Variants in MAP2 observed in about 807,000 individuals in gnomAD.
The protein encoded by MAP2 is microtubule associated protein 2, also known as microtubule-associated protein 2.
MAP2 carries 14 observed loss-of-function variants against 137.6 expected under a neutral mutation model. The observed-to-expected ratio is 0.10, with a 90% CI of 0.07 to 0.16. The LOEUF is 0.16. Ranked by LOEUF, MAP2 falls within the 10% of genes least tolerant of loss-of-function variation. MAP2 has a pLI of 1.00. For synonymous variants in MAP2, 786 were observed against 782.3 expected (o/e 1.00, Z -0.08); for missense variants, 2,088 against 2,191.5 (o/e 0.95, Z 0.94).
chr2:209,723,634 C>A, intron 13 of MAP2: 1 of 1,613,980 alleles, frequency 6.2e-7, no homozygotes, highest in South Asian at 1.1e-5. Context: ...TAGCAAAGTT[C>A]AGTCCAGATG....
chr2:209,461,695 C>T (rs1702858190), intron 1 of MAP2, among the ~76,000 whole-genome samples: 1 of 152,070 alleles, frequency 6.6e-6, no homozygotes, highest in Non-Finnish European at 1.5e-5. Context: ...GGTGATCCGC[C>T]CCCTGGGCCT....
chr2:209,702,867 T>C (rs985034856), intron 11 of MAP2, among the ~76,000 whole-genome samples: 2 of 152,086 alleles, frequency 1.3e-5, no homozygotes, highest in African/African-American at 4.8e-5. Flanking sequence ...AGGTTAAAAC[T>C]TGAGATAAAA....
intron 7 of MAP2, among the ~76,000 whole-genome samples, chr2:209,682,927 T>G (rs773807162): frequency 3.3e-5 from 5 of 152,146 alleles, no homozygotes; most frequent in Non-Finnish European, 7.3e-5. Context: ...AAGCTCCTAC[T>G]TAAAGCTTTT....
At chr2:209,536,389 C>G (rs891122938) in intron 2 of MAP2, among the ~76,000 whole-genome samples, 1 of 152,154 alleles carries the variant, frequency 6.6e-6, no homozygotes, top group African/African-American at 2.4e-5. Context: ...AAATTTTGCT[C>G]AGAAATGTAT....
chr2:209,714,901 T>G (rs2066930831), intron 13 of MAP2, among the ~76,000 whole-genome samples: 1 of 152,304 alleles, frequency 6.6e-6, no homozygotes, highest in Non-Finnish European at 1.5e-5. Context: ...TATACCTTAG[T>G]CTTCTTTGTT....
At chr2:209,452,963 G>T (rs1038811422) in intron 1 of MAP2, among the ~76,000 whole-genome samples, 1 of 151,936 alleles carries the variant, frequency 6.6e-6, no homozygotes, top group Non-Finnish European at 1.5e-5. Context: ...CATTGTAAAA[G>T]AAATTGGAAA....
intron 3 of MAP2, among the ~76,000 whole-genome samples, chr2:209,613,100 C>G (rs2087571550): frequency 6.6e-6 from 1 of 152,084 alleles, no homozygotes; most frequent in Non-Finnish European, 1.5e-5. Flanking sequence ...TCCAGACAAT[C>G]AGTGAGAGTA....
Position 209,694,106 on chromosome 2 carries a change from T to C in MAP2, c.1936T>C (p.Ser646Pro). Residue 646 changes from serine to proline, a missense_variant, in exon 8 of 16, where the codon TCA (serine) becomes CCA (proline). Around this residue, in one of 6 missense-constraint regions of MAP2, gnomAD observed 859 missense variants for 794.5 expected, o/e 1.08. Coordinates refer to ENST00000682079, the MANE Select transcript of MAP2 (RefSeq NM_001375505.1). ...CAGCACTCTCGCACAGAGTTATCCA[T>C]CAGATTTACCTGAAGAACCCAGTTC... is the stretch of plus-strand genomic sequence containing the variant. ...GYSTLAQSYP[S>P]DLPEEPSSPQ... is the part of the protein sequence containing the mutation. The C allele has an allele frequency of 4.3e-6, 7 of 1,613,894 alleles. No homozygotes were observed. Among genetic ancestry groups the C allele is most frequent in the Non-Finnish European group, 5.9e-6 (7 of 1,179,978 alleles).
chr2:209,635,832 G>A (rs2093508820), intron 4 of MAP2, among the ~76,000 whole-genome samples: 1 of 152,086 alleles, frequency 6.6e-6, no homozygotes, highest in Non-Finnish European at 1.5e-5. Flanking sequence ...CCATTTAATA[G>A]AATTCTCATG....
intron 2 of MAP2, among the ~76,000 whole-genome samples, chr2:209,575,421 T>C (rs2075183743): frequency 7.0e-6 from 1 of 142,782 alleles, no homozygotes; most frequent in Admixed American, 7.6e-5. Context: ...CTCGGGAGGC[T>C]GAGGCAGGAG....
Position 209,693,090 on chromosome 2 carries a change from A to G in MAP2, c.920A>G (p.Lys307Arg). 1 of 1,613,434 alleles carries G rather than the reference A, an allele frequency of 6.2e-7. No individual in the cohort carries two copies. Among genetic ancestry groups the G allele is most frequent in the Non-Finnish European group, 8.5e-7 (1 of 1,179,798 alleles). Reference protein sequence around the residue: ...VFDDIPKWEGKQFDSPMPSPF... With the variant: ...VFDDIPKWEGRQFDSPMPSPF... ...GATGATATCCCAAAATGGGAAGGGA[A>G]ACAGTTTGATTCTCCCATGCCAAGT... is the stretch of plus-strand genomic sequence containing the variant. The change falls in exon 8 of 16, where the codon AAA (lysine) becomes AGA (arginine). Residue 307 changes from lysine to arginine, a missense_variant. This residue lies in a region of MAP2 where 859 missense variants were observed against 794.5 expected (regional missense o/e 1.08). Coordinates refer to ENST00000682079, the MANE Select transcript of MAP2 (RefSeq NM_001375505.1).
chr2:209,708,635 T>C (rs966142966), intron 12 of MAP2, among the ~76,000 whole-genome samples: 5 of 152,212 alleles, frequency 3.3e-5, no homozygotes, highest in Non-Finnish European at 7.4e-5. Context: ...ACCTCTGAGA[T>C]TCCTTTCACT....
intron 2 of MAP2, among the ~76,000 whole-genome samples, chr2:209,554,939 T>C (rs1207411087): frequency 6.8e-6 from 1 of 147,290 alleles, no homozygotes; most frequent in African/African-American, 2.5e-5. Flanking sequence ...CTATCATATA[T>C]AAATATATAT....
At chr2:209,509,600 A>G (rs1001676104) in intron 2 of MAP2, among the ~76,000 whole-genome samples, 2 of 152,006 alleles carry the variant, frequency 1.3e-5, no homozygotes, top group Admixed American at 1.3e-4. Flanking sequence ...TCTTAAAACT[A>G]TATTAACTCA....
chr2:209,445,904 CAT>C (rs909913715), intron 1 of MAP2, among the ~76,000 whole-genome samples: 8 of 151,620 alleles, frequency 5.3e-5, no homozygotes, highest in East Asian at 1.9e-4. Context: ...CAAAAAGCCA[CAT>C]GTTTTTTGAC....
At chr2:209,457,240 G>A (rs956371823) in intron 1 of MAP2, among the ~76,000 whole-genome samples, 3 of 152,164 alleles carry the variant, frequency 2.0e-5, no homozygotes. Context: ...CTACCCAGAT[G>A]AGCTTTTGCA....
At position 209,599,937 on chromosome 2, in the gene MAP2, A is replaced by G. The variant is rs1559384699; in HGVS notation, c.-107+19837A>G. 2.6e-5 allele frequency among the ~76,000 whole-genome samples: 4 copies of G among 152,150 alleles called. No individual in the cohort carries two copies. The South Asian group carries it at 8.3e-4, about 32-fold the overall frequency. Reference sequence around the variant, plus strand: ...ATAATTTACAGAGAAAAAGTTATATAATTAGTAGTAATTACTATGATCTTC... The same window carrying G: ...ATAATTTACAGAGAAAAAGTTATATGATTAGTAGTAATTACTATGATCTTC... On this transcript the variant is annotated intron_variant, in intron 3 of 15. Coordinates refer to ENST00000682079, the MANE Select transcript of MAP2 (RefSeq NM_001375505.1).
chr2:209,543,984 C>T (rs1218319937), intron 2 of MAP2, among the ~76,000 whole-genome samples: 3 of 152,158 alleles, frequency 2.0e-5, no homozygotes. Context: ...AATCCCAGCA[C>T]TTTGGGAGGC....
At chr2:209,559,665 A>G (rs1163023238) in intron 2 of MAP2, among the ~76,000 whole-genome samples, 1 of 151,912 alleles carries the variant, frequency 6.6e-6, no homozygotes, top group East Asian at 1.9e-4. Flanking sequence ...AAATAAAGAG[A>G]AAAACCAAAT....
Sources: allele counts gnomAD v4.1 joint callset (sites outside exome capture counted in the v4.1 genomes callset), GRCh38; gene constraint gnomAD v4.1.1; regional missense constraint gnomAD v4.1.1; transcripts MANE v1.5; gene names NCBI Gene and HGNC (gene_info 2026-07-23, HGNC 2026-07-21).